The following SIPA1L3 variants were observed in gnomAD, a reference collection of about 807,000 sequenced individuals.
SIPA1L3 encodes the protein signal-induced proliferation-associated 1-like protein 3.
In SIPA1L3, 59 loss-of-function variants were observed where a neutral mutation model predicts 150.1. The ratio of observed to expected loss-of-function variants is 0.39; its 90% CI spans 0.32 to 0.49. The LOEUF (loss-of-function observed/expected upper bound fraction) is 0.49, where lower values mean the gene tolerates loss of function less well. Among genes scored for constraint, SIPA1L3 ranks in the 20% least tolerant of loss-of-function variants. The pLI, the probability that SIPA1L3 is intolerant of heterozygous loss-of-function variation, is 0.86. For missense variants in SIPA1L3, 2,211 were observed against 2,489.5 expected (o/e 0.89, Z 2.38); for synonymous variants, 1,070 against 1,077.6 (o/e 0.99, Z 0.14).
chr19:38,179,102 C>G (rs181948247), intron 15 of SIPA1L3, among the ~76,000 whole-genome samples: 31 of 152,326 alleles, frequency 2.0e-4, no homozygotes, highest in South Asian at 4.1e-4. Context: ...TACTATCTTT[C>G]TTGCTCCTCT....
chr19:38,035,085 C>A (rs556527281), intron 2 of SIPA1L3, among the ~76,000 whole-genome samples: 5 of 152,136 alleles, frequency 3.3e-5, no homozygotes, highest in Non-Finnish European at 5.9e-5. Context: ...GGTGCCTAAC[C>A]CAGCCTAGGG....
At chr19:38,122,442 C>A (rs1971042866) in intron 9 of SIPA1L3, among the ~76,000 whole-genome samples, 1 of 152,174 alleles carries the variant, frequency 6.6e-6, no homozygotes, top group African/African-American at 2.4e-5. Context: ...GCATCAGCCA[C>A]CTCTCCCAGA....
At chr19:38,137,011 C>T (rs778200098) in intron 10 of SIPA1L3, among the ~76,000 whole-genome samples, 12 of 152,184 alleles carry the variant, frequency 7.9e-5, no homozygotes, top group East Asian at 3.8e-4. Context: ...ACTCTGCTAA[C>T]GCTCAGAGAA....
At chr19:37,990,246 G>A (rs950171707) in intron 1 of SIPA1L3, among the ~76,000 whole-genome samples, 4 of 152,172 alleles carry the variant, frequency 2.6e-5, no homozygotes, top group Non-Finnish European at 5.9e-5. Context: ...GCTACCTGGG[G>A]GTAGGGACAG....
rs1970785232 is a variant in SIPA1L3 at position 38,112,405 on chromosome 19, T to G, written c.2291+2021T>G. Among the ~76,000 whole-genome samples, 7 of 152,256 alleles carry G rather than the reference T, an allele frequency of 4.6e-5. No homozygotes were observed. The South Asian group carries it at 1.5e-3, about 32-fold the overall frequency. On this transcript the variant is annotated intron_variant, in intron 8 of 21. Transcript: ENST00000222345. ...TGGTGGGGGGAGCTGCTTTCTCTTCTTCGTCCCCACTCTGACCTCCCCTCT... is the reference window on the plus strand; with the variant it reads ...TGGTGGGGGGAGCTGCTTTCTCTTCGTCGTCCCCACTCTGACCTCCCCTCT...
chr19:38,097,146 G>GCAGAC (rs1335630528), intron 4 of SIPA1L3, among the ~76,000 whole-genome samples: 1 of 152,190 alleles, frequency 6.6e-6, no homozygotes, highest in East Asian at 1.9e-4. Context: ...CCTAGGAGTT[G>GCAGAC]CAGACCAGCC....
rs35759392 is a variant in SIPA1L3, at chr19:38,079,559, A to ATTT, written c.-310-1684_-310-1682dup. Among the ~76,000 whole-genome samples, 426 of 141,466 alleles carry ATTT rather than the reference A, an allele frequency of 3.0e-3. 5 individuals carry two copies. The highest frequency in any genetic ancestry group is 0.026 in the East Asian group (124 of 4,862). The allele number at this position is 141,466 out of a possible 152,430, so 92.8% of individuals were successfully genotyped here. A position where few individuals can be genotyped will look rare whatever the true frequency, so the allele number is the denominator to read the frequency against. Reference sequence around the variant, plus strand: ...TTTGTGTTTGTTTTTGTTTTTGGGGATTTTTTTTTTTTTTTGAGATAGGAT... The same window carrying ATTT: ...TTTGTGTTTGTTTTTGTTTTTGGGGATTTTTTTTTTTTTTTTTTGAGATAGGAT... On this transcript the variant is annotated intron_variant, in intron 2 of 21. Coordinates refer to ENST00000222345, the MANE Select transcript of SIPA1L3 (RefSeq NM_015073.3).
At chr19:38,093,678 G>C (rs752829226) in intron 4 of SIPA1L3, among the ~76,000 whole-genome samples, 3 of 152,156 alleles carry the variant, frequency 2.0e-5, no homozygotes, top group Non-Finnish European at 4.4e-5. Flanking sequence ...GGGCCAGAGC[G>C]AGAGGTCTGG....
intron 6 of SIPA1L3, 179 bp from the exon 7 acceptor site, chr19:38,106,358 C>G (rs1239488254): frequency 7.3e-6 from 4 of 548,146 alleles, no homozygotes; most frequent in Non-Finnish European, 1.3e-5. Context: ...CCACCTGCCT[C>G]AGCCTCCCAA....
intron 2 of SIPA1L3, among the ~76,000 whole-genome samples, chr19:38,059,225 C>G (rs1464541927): frequency 6.6e-6 from 1 of 150,904 alleles, no homozygotes; most frequent in Non-Finnish European, 1.5e-5. Context: ...GTTTCAAACT[C>G]CTGGGCTCAA....
chr19:38,040,922 A>C (rs1382643598), intron 2 of SIPA1L3, among the ~76,000 whole-genome samples: 1 of 151,748 alleles, frequency 6.6e-6, no homozygotes, highest in East Asian at 1.9e-4. Context: ...CACCACGCCC[A>C]GCTAATTTTT....
chr19:38,124,538 G>A (rs1192534365), intron 9 of SIPA1L3, among the ~76,000 whole-genome samples: 4 of 146,660 alleles, frequency 2.7e-5, no homozygotes, highest in East Asian at 2.0e-4. Context: ...AGGCAGAGGG[G>A]CTCCTCACGT....
At chr19:37,983,751 C>G (rs1967261218) in intron 1 of SIPA1L3, among the ~76,000 whole-genome samples, 1 of 151,736 alleles carries the variant, frequency 6.6e-6, no homozygotes, top group South Asian at 2.1e-4. Context: ...ACAAAAAACA[C>G]AAAAATTAGC....
At position 38,058,630 on chromosome 19, in the gene SIPA1L3, GGAGA is replaced by G. The variant is rs537900887; in HGVS notation, c.-310-22621_-310-22618del. ...GTTCTGGGAGTGGAAATCTCTTATA[GGAGA>G]GAGAAAGTGAATCTCAAGCTATGGC... On this transcript the variant is annotated intron_variant, in intron 2 of 21. Transcript: ENST00000222345. Among the ~76,000 whole-genome samples the G allele has an allele frequency of 1.6e-3, 239 of 152,314 alleles. 1 individual carries two copies. Among genetic ancestry groups the G allele is most frequent in the African/African-American group, 5.4e-3 (224 of 41,558 alleles).
rs1383931532 is a variant in SIPA1L3, at chr19:38,182,669, T to C, written c.4359T>C (p.Asn1453=). 1 of 1,614,092 alleles carries C rather than the reference T, an allele frequency of 6.2e-7. No homozygotes were observed. The highest frequency in any genetic ancestry group is 8.5e-7 in the Non-Finnish European group (1 of 1,179,998). ...KSFFSKQPVR[N]KHPTGWKRTE... ...TCTTCTCCAAGCAGCCTGTACGCAATAAGCACCCAACAGGGTGGAAGAGAA... is the reference window on the plus strand; with the variant it reads ...TCTTCTCCAAGCAGCCTGTACGCAACAAGCACCCAACAGGGTGGAAGAGAA... Residue 1453 remains asparagine, a synonymous_variant, in exon 16 of 22, where the codon AAT becomes AAC. Coordinates refer to ENST00000222345, the MANE Select transcript of SIPA1L3 (RefSeq NM_015073.3).
intron 1 of SIPA1L3, among the ~76,000 whole-genome samples, chr19:37,926,685 G>A (rs1568466358): frequency 6.6e-6 from 1 of 152,110 alleles, no homozygotes; most frequent in Non-Finnish European, 1.5e-5. Context: ...CACTGGCCTC[G>A]GTCCTGTGGG....
In SIPA1L3 at chr19:38,204,313, C is replaced by G. The variant is rs567242535; in HGVS notation, c.5202+105C>G. ...CCCGCCATGCAGGACCCACCCCACCCCCACACCTCCTGTGTTTGAGTGTAG... is the reference window on the plus strand; with the variant it reads ...CCCGCCATGCAGGACCCACCCCACCGCCACACCTCCTGTGTTTGAGTGTAG... On this transcript the variant is annotated intron_variant, in intron 21 of 21. Transcript: ENST00000222345. 1.2e-3 allele frequency: 936 copies of G among 800,686 alleles called. 1 individual carries two copies. Among genetic ancestry groups the G allele is most frequent in the Non-Finnish European group, 1.6e-3 (802 of 491,032 alleles). The allele number at this position is 800,686 out of a possible 1,614,324, so 49.6% of individuals were successfully genotyped here. A position where few individuals can be genotyped will look rare whatever the true frequency, so the allele number is the denominator to read the frequency against.
chr19:37,914,688 A>G (rs1288922646), intron 1 of SIPA1L3, among the ~76,000 whole-genome samples: 2 of 151,588 alleles, frequency 1.3e-5, no homozygotes, highest in African/African-American at 2.4e-5. Context: ...CATTTTTTCT[A>G]TTTTTTGTAG....
intron 8 of SIPA1L3, among the ~76,000 whole-genome samples, chr19:38,115,442 G>A (rs1287201927): frequency 1.3e-5 from 2 of 152,196 alleles, no homozygotes; most frequent in African/African-American, 4.8e-5. Context: ...GGCAGAGAAC[G>A]GCAGAATGGA....
Sources: allele counts gnomAD v4.1 joint callset (sites outside exome capture counted in the v4.1 genomes callset), GRCh38; gene constraint gnomAD v4.1.1; transcripts MANE v1.5; gene names NCBI Gene and HGNC (gene_info 2026-07-23, HGNC 2026-07-21).